The following CTNNA3 variants were observed in gnomAD, a reference collection of about 807,000 sequenced individuals.
CTNNA3 encodes catenin alpha-3.
A neutral mutation model predicts 95.7 loss-of-function variants in CTNNA3; 76 were observed. That is an observed-to-expected ratio of 0.79 (90% confidence interval 0.66 to 0.96). CTNNA3 has a LOEUF of 0.96. CTNNA3 is among the 40% of genes least tolerant of loss of function. The pLI, the probability that CTNNA3 is intolerant of heterozygous loss-of-function variation, is 0.00. For missense variants in CTNNA3, 1,191 were observed against 1,089.8 expected (o/e 1.09, Z -1.31); for synonymous variants, 431 against 374.4 (o/e 1.15, Z -1.74).
At chr10:66,720,008 C>A (rs2132632651) in intron 9 of CTNNA3, among the ~76,000 whole-genome samples, 1 of 151,764 alleles carries the variant, frequency 6.6e-6, no homozygotes, top group African/African-American at 2.4e-5. Context: ...GATGGTTAAG[C>A]AGTTCCTAAC....
At chr10:67,698,199 C>T (rs1004013439), upstream of CTNNA3, among the ~76,000 whole-genome samples, 3 of 151,748 alleles carry the variant, frequency 2.0e-5, no homozygotes, top group South Asian at 2.1e-4. Context: ...GGCTCACATG[C>T]CTCTTGCAAG....
chr10:67,155,173 C>T (rs1198488146), intron 7 of CTNNA3, among the ~76,000 whole-genome samples: 1 of 87,636 alleles, frequency 1.1e-5, no homozygotes, highest in Non-Finnish European at 2.1e-5. Flanking sequence ...AATATATCCT[C>T]AGCACCTTTT....
intron 7 of CTNNA3, among the ~76,000 whole-genome samples, chr10:67,150,715 C>T (rs1344132053): frequency 6.6e-6 from 1 of 152,090 alleles, no homozygotes; most frequent in African/African-American, 2.4e-5. Context: ...AGTTTACTAG[C>T]CCAAAGTCAG....
intron 7 of CTNNA3, among the ~76,000 whole-genome samples, chr10:66,943,532 TC>T (rs1420673879): frequency 2.3e-4 from 32 of 139,662 alleles, no homozygotes; most frequent in African/African-American, 6.9e-4. Context: ...TTTTTTTTTT[TC>T]AGTATTAGCA....
intron 1 of CTNNA3, among the ~76,000 whole-genome samples, chr10:67,739,503 T>TAC (rs1225693965): frequency 6.6e-6 from 1 of 152,072 alleles, no homozygotes; most frequent in African/African-American, 2.4e-5. Context: ...AGCATTCTTA[T>TAC]ACACCAATAA....
intron 13 of CTNNA3, among the ~76,000 whole-genome samples, chr10:66,243,762 T>A (rs778664607): frequency 2.0e-5 from 3 of 152,156 alleles, no homozygotes; most frequent in Non-Finnish European, 4.4e-5. Flanking sequence ...ACTTGTAAAT[T>A]GATTGAGACT....
At chr10:66,610,621 C>CA (rs1208429319) in intron 10 of CTNNA3, among the ~76,000 whole-genome samples, 1 of 151,942 alleles carries the variant, frequency 6.6e-6, no homozygotes, top group Non-Finnish European at 1.5e-5. Context: ...ATTAAAAGGA[C>CA]AAAAAATAAC....
chr10:67,597,539 C>T (rs1842965305), intron 3 of CTNNA3, among the ~76,000 whole-genome samples: 1 of 152,190 alleles, frequency 6.6e-6, no homozygotes. Flanking sequence ...CAAGGCTCAG[C>T]TCATCACTTC....
At chr10:67,309,590 GCAGCTGGT>G (rs1450913134) in intron 5 of CTNNA3, among the ~76,000 whole-genome samples, 1 of 152,236 alleles carries the variant, frequency 6.6e-6, no homozygotes, top group East Asian at 1.9e-4. Flanking sequence ...GTGTTTGTGT[GCAGCTGGT>G]CACAGAAATA....
chr10:66,742,762 T>A (rs1849370571), intron 9 of CTNNA3, among the ~76,000 whole-genome samples: 1 of 152,196 alleles, frequency 6.6e-6, no homozygotes, highest in East Asian at 1.9e-4. Flanking sequence ...TAGGAAGATA[T>A]CTAATTATCA....
intron 13 of CTNNA3, among the ~76,000 whole-genome samples, chr10:66,117,475 A>T (rs2082389942): frequency 6.6e-6 from 1 of 152,270 alleles, no homozygotes. Context: ...TTAAAAAATG[A>T]ACTTGATTTT....
intron 7 of CTNNA3, among the ~76,000 whole-genome samples, chr10:67,027,791 C>T (rs555288739): frequency 2.6e-5 from 4 of 152,208 alleles, no homozygotes; most frequent in Admixed American, 1.3e-4. Flanking sequence ...AATATGTCCA[C>T]CAGAGTACCT....
intron 14 of CTNNA3, among the ~76,000 whole-genome samples, chr10:66,081,275 G>A (rs1445888010): frequency 6.6e-6 from 1 of 152,020 alleles, no homozygotes; most frequent in Non-Finnish European, 1.5e-5. Flanking sequence ...ATCCTATGGT[G>A]GCAAAAAGTA....
chr10:67,043,720 G>C (rs1589652098), intron 7 of CTNNA3, among the ~76,000 whole-genome samples: 1 of 151,964 alleles, frequency 6.6e-6, no homozygotes, highest in Admixed American at 6.6e-5. Flanking sequence ...ATCTTTATAT[G>C]TCTTTTCATC....
At chr10:66,643,336 T>C (rs1427128052) in intron 9 of CTNNA3, among the ~76,000 whole-genome samples, 4 of 152,188 alleles carry the variant, frequency 2.6e-5, no homozygotes, top group Non-Finnish European at 5.9e-5. Context: ...GCTGGGTAAC[T>C]GAAGACCATG....
chr10:66,065,027 T>C (rs1462463052), intron 15 of CTNNA3, among the ~76,000 whole-genome samples: 2 of 152,048 alleles, frequency 1.3e-5, no homozygotes, highest in Non-Finnish European at 2.9e-5. Flanking sequence ...AGGCAGGAAA[T>C]ATGGGAAAAA....
At chr10:67,558,014 C>CT (rs1434661226) in intron 3 of CTNNA3, among the ~76,000 whole-genome samples, 1 of 152,174 alleles carries the variant, frequency 6.6e-6, no homozygotes, top group Non-Finnish European at 1.5e-5. Context: ...AGGTATGCAT[C>CT]TTTTTTGCAG....
upstream of CTNNA3, among the ~76,000 whole-genome samples, chr10:67,701,065 A>T (rs1405790667): frequency 1.3e-5 from 2 of 152,198 alleles, no homozygotes; most frequent in African/African-American, 4.8e-5. Context: ...GGGAGAAGGG[A>T]AGTTTAGAGA....
At chr10:66,877,522 C>T (rs1844672555) in intron 7 of CTNNA3, among the ~76,000 whole-genome samples, 1 of 152,266 alleles carries the variant, frequency 6.6e-6, no homozygotes, top group South Asian at 2.1e-4. Context: ...TCAATGCTTG[C>T]ACTGGAGCCA....
Sources: gnomAD v4.1 joint callset for allele counts (sites outside exome capture counted in the v4.1 genomes callset) on GRCh38, gnomAD v4.1.1 for gene constraint, MANE v1.5 for transcripts, NCBI Gene and HGNC (gene_info 2026-07-23, HGNC 2026-07-21) for gene names.